The following ABCG5 variants were observed in gnomAD, a reference collection of about 807,000 sequenced individuals.
The protein encoded by ABCG5 is ATP-binding cassette sub-family G member 5.
Under a neutral mutation model 64.5 loss-of-function variants are expected in ABCG5, and 64 were observed. The observed-to-expected ratio is 0.99, with a 90% CI of 0.81 to 1.22. ABCG5 has a LOEUF of 1.22. ABCG5 is among the 50% of genes most tolerant of loss of function. The pLI is 0.00. For missense variants in ABCG5, 908 were observed against 829.5 expected (o/e 1.09, Z -1.16); for synonymous variants, 385 against 326.3 (o/e 1.18, Z -1.94).
chr2:43,828,441 G>A (rs1350655308), intron 4 of ABCG5: 2 of 379,246 alleles, frequency 5.3e-6, no homozygotes, highest in Admixed American at 7.5e-5. Context: ...TTTGAGACCA[G>A]CTTGGGCAAC....
chr2:43,811,466 A>C (rs1040210495), downstream of ABCG5, among the ~76,000 whole-genome samples: 17 of 152,214 alleles, frequency 1.1e-4, no homozygotes, highest in African/African-American at 3.9e-4. Flanking sequence ...CAGTCAGTGA[A>C]CAAGTTCATG....
chr2:43,835,244 CCTTT>C, intron 2 of ABCG5, among the ~76,000 whole-genome samples: 1 of 49,642 alleles, frequency 2.0e-5, no homozygotes. Flanking sequence ...ACAACATTGG[CCTTT>C]GGGGTGCACT....
Position 43,828,129 on chromosome 2 carries a change from A to G in ABCG5, c.502-14T>C, listed in dbSNP as rs1667735263. ...GACGGCCTCCACCTGCAGGAGACAC[A>G]AATTACAGGAAGGCTGGGAGTCTCT... is the stretch of plus-strand genomic sequence containing the variant. On this transcript the variant is annotated splice_polypyrimidine_tract_variant and intron_variant, in intron 4 of 12. Coordinates refer to ENST00000405322, the MANE Select transcript of ABCG5 (RefSeq NM_022436.3). The G allele has an allele frequency of 6.2e-7, 1 of 1,613,708 alleles. No homozygotes were observed. Among genetic ancestry groups the G allele is most frequent in the Non-Finnish European group, 8.5e-7 (1 of 1,180,006 alleles).
intron 5 of ABCG5, among the ~76,000 whole-genome samples, chr2:43,826,750 C>T (rs1182498250): frequency 6.6e-6 from 1 of 152,214 alleles, no homozygotes; most frequent in Non-Finnish European, 1.5e-5. Flanking sequence ...TCCTCCAGGG[C>T]ACAGGGAGTA....
rs766042246 is a variant in ABCG5, at chr2:43,831,802, G to T, written c.468C>A (p.Ile156=). ...GGAAGGAGCCGGGATTGCCGCGGCG[G>T]ATGGCCAGCAGCGCGGTGTAGTGCA... ...ETLHYTALLA[I]RRGNPGSFQK... The change falls in exon 4 of 13, where the codon ATC becomes ATA. Residue 156 remains isoleucine, a synonymous_variant. Coordinates refer to ENST00000405322, the MANE Select transcript of ABCG5 (RefSeq NM_022436.3). 6.3e-7 allele frequency: 1 copy of T among 1,589,796 alleles called. No homozygotes were observed. The highest frequency in any genetic ancestry group is 8.5e-7 in the Non-Finnish European group (1 of 1,170,336).
At chr2:43,822,478 G>GCCCCGCC (rs1667283184) in intron 10 of ABCG5, 1 of 432,260 alleles carries the variant, frequency 2.3e-6, no homozygotes, top group African/African-American at 2.2e-5. Flanking sequence ...CCTCCCCCAG[G>GCCCCGCC]CCCCCCCCCA....
chr2:43,832,005 A>G lies in ABCG5; in HGVS notation c.344T>C (p.Val115Ala). ...RAGTFLGEVY[V>A]NGRALRREQF... is the part of the protein sequence containing the mutation. ...CTCCCGGCGCAGCGCCCGGCCGTTC[A>G]CATACACCTCCCCCAGGAAGGTCCC... The change falls in exon 3 of 13, where the codon GTG becomes GCG. Residue 115 changes from valine (V) to alanine (A), a missense_variant. Coordinates refer to ENST00000405322, the MANE Select transcript of ABCG5 (RefSeq NM_022436.3). 6.4e-7 allele frequency: 1 copy of G among 1,563,532 alleles called. No homozygotes were observed. The highest frequency in any genetic ancestry group is 8.7e-7 in the Non-Finnish European group (1 of 1,154,102).
chr2:43,827,703 G>C (rs1667704268), intron 5 of ABCG5, among the ~76,000 whole-genome samples: 1 of 152,146 alleles, frequency 6.6e-6, no homozygotes, highest in Non-Finnish European at 1.5e-5. Flanking sequence ...TGATTGGCAG[G>C]GCAAGGCTCC....
At position 43,824,073 on chromosome 2, in the gene ABCG5, C is replaced by T. The variant is rs145755348; in HGVS notation, c.1164G>A (p.Thr388=). ...NLVRNKLAVI[T]RLLQNLIMGL... is the part of the protein sequence containing the mutation. ...CCATGATCAGATTCTGAAGGAGACG[C>T]GTAATCACTGCCAGCTTATTTCTCA... is the stretch of plus-strand genomic sequence containing the variant. The change falls in exon 9 of 13, where the codon ACG becomes ACA. Residue 388 remains threonine (T), a synonymous_variant. Transcript: ENST00000405322. The T allele has an allele frequency of 1.4e-5, 23 of 1,614,188 alleles. No individual in the cohort carries two copies. In the African/African-American group the frequency reaches 2.1e-4, roughly 15 times the overall value.
At chr2:43,816,750 T>G (rs1367558276) in intron 11 of ABCG5, among the ~76,000 whole-genome samples, 1 of 152,194 alleles carries the variant, frequency 6.6e-6, no homozygotes, top group Non-Finnish European at 1.5e-5. Flanking sequence ...AGTATGCATA[T>G]TTTATATCTT....
downstream of ABCG5, chr2:43,810,037 C>A: frequency 1.2e-6 from 1 of 859,600 alleles, no homozygotes; most frequent in Non-Finnish European, 1.5e-6. Flanking sequence ...ATACTCAATT[C>A]AGCATGTATA....
At position 43,813,131 on chromosome 2, in the gene ABCG5, A is replaced by C; in HGVS notation, c.1941T>G (p.His647Gln). 7.8e-7 allele frequency: 1 copy of C among 1,289,500 alleles called. No homozygotes were observed. The highest frequency in any genetic ancestry group is 1.1e-6 in the Non-Finnish European group (1 of 884,268). The allele number at this position is 1,289,500 out of a possible 1,614,324, so 79.9% of individuals were successfully genotyped here. A position where few individuals can be genotyped will look rare whatever the true frequency, so the allele number is the denominator to read the frequency against. The change falls in exon 13 of 13, where the codon CAT becomes CAG. Residue 647 changes from histidine (H) to glutamine (Q), a missense_variant. Transcript: ENST00000405322. ...ATGGCTTTCACTACCTGCTAATGAG[A>C]TGATCCCTTATTTTGAAAACAACTA... is the stretch of plus-strand genomic sequence containing the variant. ...LGIVVFKIRD[H>Q]LISR
chr2:43,819,358 GA>G (rs951988750), intron 11 of ABCG5, among the ~76,000 whole-genome samples: 66 of 151,734 alleles, frequency 4.3e-4, no homozygotes, highest in African/African-American at 1.5e-3. Context: ...GAAATATGAA[GA>G]AAAAAATTAA....
chr2:43,822,724 C>T, intron 10 of ABCG5, 73 bp downstream of exon 10: 1 of 1,607,980 alleles, frequency 6.2e-7, no homozygotes, highest in Non-Finnish European at 8.5e-7. Flanking sequence ...CCCTGGAGCT[C>T]TCCCTGCACG....
intron 11 of ABCG5, among the ~76,000 whole-genome samples, chr2:43,815,308 G>A (rs181686601): frequency 6.6e-6 from 1 of 152,270 alleles, no homozygotes; most frequent in Admixed American, 6.5e-5. Context: ...AATTCTTTCT[G>A]TTTGCAAGGC....
rs1303384766 is a variant in ABCG5 at position 43,838,524 on chromosome 2, G to T, written c.143+13C>A. The T allele has an allele frequency of 6.3e-7, 1 of 1,592,996 alleles. No individual in the cohort carries two copies. The highest frequency in any genetic ancestry group is 2.3e-5 in the East Asian group (1 of 43,832). ...CTCCTGGGGGAGCAGCAGCAGCAAG[G>T]GCTCTGCCTTACCTGACGCTGTAGG... On this transcript the variant is annotated intron_variant, in intron 1 of 12. Coordinates refer to ENST00000405322, the MANE Select transcript of ABCG5 (RefSeq NM_022436.3). The surrounding 1 kb of genome is among the most constrained non-coding windows in gnomAD (Gnocchi z 4.2).
chr2:43,826,498 T>A lies in ABCG5; in HGVS notation c.658A>T (p.Thr220Ser). 1 of 1,614,184 alleles carries A rather than the reference T, an allele frequency of 6.2e-7. No individual in the cohort carries two copies. The highest frequency in any genetic ancestry group is 8.5e-7 in the Non-Finnish European group (1 of 1,180,038). ...DPKVMLFDEP[T>S]TGLDCMTANQ... is the part of the protein sequence containing the mutation. ...GCAGTCATGCAGTCCAGGCCTGTGG[T>A]TGGCTCATCAAACAGCATGACCTCT... The change falls in exon 6 of 13, where the codon ACC (threonine) becomes TCC (serine). Residue 220 changes from threonine to serine, a missense_variant. Transcript: ENST00000405322.
chr2:43,823,797 G>C (rs987417392), intron 9 of ABCG5, 116 bp downstream of exon 9: 2 of 1,219,680 alleles, frequency 1.6e-6, no homozygotes, highest in South Asian at 3.1e-5. Context: ...AACCTGGAGA[G>C]GGCTGGGTTT....
At chr2:43,811,607 T>C (rs992024482), downstream of ABCG5, among the ~76,000 whole-genome samples, 23 of 152,136 alleles carry the variant, frequency 1.5e-4, no homozygotes, top group Admixed American at 3.9e-4. Flanking sequence ...AACCTTTTTT[T>C]TTTTTTGAGA....
Sources: gnomAD v4.1 joint callset for allele counts (sites outside exome capture counted in the v4.1 genomes callset) on GRCh38, gnomAD v4.1.1 for gene constraint, Gnocchi (gnomAD v3.1) non-coding constraint, MANE v1.5 for transcripts, NCBI Gene and HGNC (gene_info 2026-07-23, HGNC 2026-07-21) for gene names.